Variants in TNC observed in about 807,000 individuals in gnomAD.
The protein encoded by TNC is tenascin C.
Under a neutral mutation model 202.4 loss-of-function variants are expected in TNC, and 109 were observed. The observed-to-expected ratio is 0.54, with a 90% CI of 0.46 to 0.63. The LOEUF (loss-of-function observed/expected upper bound fraction) is 0.63, where lower values mean the gene tolerates loss of function less well. TNC is among the 30% of genes least tolerant of loss of function. TNC has a pLI of 0.00. For missense variants in TNC, 2,756 were observed against 2,833.3 expected (o/e 0.97, Z 0.62); for synonymous variants, 1,007 against 1,089.7 (o/e 0.92, Z 1.50).
Position 115,036,234 on chromosome 9 carries a change from T to C in TNC, c.5520A>G (p.Glu1840=), listed in dbSNP as rs774059202. ...TGTTCCCGGACACCGTGCGTGTAAT[T>C]TCTGGCACTAAACATGAAATACACA... ...VISYTGEKVP[E]ITRTVSGNTV... The change falls in exon 21 of 28, where the codon GAA becomes GAG. Residue 1840 remains glutamate (E), a synonymous_variant. Transcript: ENST00000350763. 1 of 1,614,118 alleles carries C rather than the reference T, an allele frequency of 6.2e-7. No homozygotes were observed. Among genetic ancestry groups the C allele is most frequent in the Non-Finnish European group, 8.5e-7 (1 of 1,179,986 alleles).
Position 115,084,261 on chromosome 9 carries a change from A to G in TNC, c.2079T>C (p.Phe693=), listed in dbSNP as rs1332750503. ...TGCTCTTCTTGTTCTCCAGGATGGCAAATACACGGATAAAGTACTCCACAC... is the reference window on the plus strand; with the variant it reads ...TGCTCTTCTTGTTCTCCAGGATGGCGAATACACGGATAAAGTACTCCACAC... ...EPGVEYFIRV[F]AILENKKSIP... The change falls in exon 4 of 28, where the codon TTT becomes TTC. Residue 693 remains phenylalanine (F), a synonymous_variant. Transcript: ENST00000350763. 5.6e-6 allele frequency: 9 copies of G among 1,614,168 alleles called. No homozygotes were observed. The highest frequency in any genetic ancestry group is 7.6e-6 in the Non-Finnish European group (9 of 1,180,024).
intron 17 of TNC, among the ~76,000 whole-genome samples, chr9:115,042,645 C>A (rs893653149): frequency 6.6e-5 from 10 of 152,086 alleles, no homozygotes; most frequent in Admixed American, 2.0e-4. Context: ...GGAATGTGAC[C>A]CCCGTTCATT....
At chr9:115,036,930 A>C (rs375383455) in intron 20 of TNC, among the ~76,000 whole-genome samples, 1 of 152,080 alleles carries the variant, frequency 6.6e-6, no homozygotes, top group Non-Finnish European at 1.5e-5. Context: ...TGGTCAACTT[A>C]CCTCATCATT....
In TNC at chr9:115,064,918, T is replaced by C; in HGVS notation, c.3216A>G (p.Glu1072=). 1 of 1,612,722 alleles carries C rather than the reference T, an allele frequency of 6.2e-7. No homozygotes were observed. Among genetic ancestry groups the C allele is most frequent in the Non-Finnish European group, 8.5e-7 (1 of 1,179,158 alleles). ...SKPARVKAST[E]QAPELENLTV... is the part of the protein sequence containing the mutation. ...TGAGGTTTTCCAGCTCAGGGGCTTG[T>C]TCTGAATAATGACAGAGATGGGGTC... is the stretch of plus-strand genomic sequence containing the variant. Residue 1072 remains glutamate (E), a splice_region_variant and synonymous_variant, in exon 11 of 28, where the codon GAA becomes GAG. Coordinates refer to ENST00000350763, the MANE Select transcript of TNC (RefSeq NM_002160.4).
At chr9:115,095,796 A>C (rs1835748941) in intron 1 of TNC, among the ~76,000 whole-genome samples, 1 of 149,208 alleles carries the variant, frequency 6.7e-6, no homozygotes, top group Non-Finnish European at 1.5e-5. Flanking sequence ...ATTACATATT[A>C]TAATACAATG....
chr9:115,056,896 A>G (rs1001876208), intron 15 of TNC, among the ~76,000 whole-genome samples: 1 of 152,248 alleles, frequency 6.6e-6, no homozygotes, highest in Admixed American at 6.5e-5. Context: ...TCTAGATTCC[A>G]TATGGCAAAT....
At chr9:115,111,963 C>G (rs1837108035) in intron 1 of TNC, among the ~76,000 whole-genome samples, 1 of 152,114 alleles carries the variant, frequency 6.6e-6, no homozygotes, top group Non-Finnish European at 1.5e-5. Flanking sequence ...GACCATGAGG[C>G]AGAAAATCCA....
chr9:115,117,575 C>T (rs936052665), intron 1 of TNC, among the ~76,000 whole-genome samples: 1 of 152,170 alleles, frequency 6.6e-6, no homozygotes, highest in Non-Finnish European at 1.5e-5. Flanking sequence ...ATCAAACTCC[C>T]TCTAACCCAT....
intron 16 of TNC, among the ~76,000 whole-genome samples, chr9:115,046,979 A>G (rs1831247806): frequency 6.6e-6 from 1 of 152,220 alleles, no homozygotes; most frequent in African/African-American, 2.4e-5. Flanking sequence ...CCCGTCCCAC[A>G]TATTATTAAA....
Position 115,087,166 on chromosome 9 carries a change from C to T in TNC, c.565G>A (p.Glu189Lys), listed in dbSNP as rs757206565. 25 of 1,614,116 alleles carry T rather than the reference C, an allele frequency of 1.5e-5. No homozygotes were observed. Among genetic ancestry groups the T allele is most frequent in the East Asian group, 1.1e-4 (5 of 44,892 alleles). ...GWKGPNCSEP[E>K]CPGNCHLRGR... ...CGAAGGTGACAGTTGCCTGGACATT[C>T]GGGCTCAGAGCAGTTGGGGCCTTTC... The change falls in exon 3 of 28, where the codon GAA becomes AAA. Residue 189 changes from glutamate (E) to lysine (K), a missense_variant. This residue lies in a region of TNC where 2,559 missense variants were observed against 2,546.0 expected (regional missense o/e 1.01). Transcript: ENST00000350763.
rs1375197454 is a variant in TNC at position 115,078,203 on chromosome 9, G to A, written c.2414C>T (p.Ala805Val). Reference protein sequence around the residue: ...LKRVTTTRLDAPSQIEVKDVT... With the variant: ...LKRVTTTRLDVPSQIEVKDVT... Reference sequence around the variant, plus strand: ...ATCTTTCACCTCGATCTGGCTGGGGGCATCCAAGCCTATGATGGGCAGAGG... The same window carrying A: ...ATCTTTCACCTCGATCTGGCTGGGGACATCCAAGCCTATGATGGGCAGAGG... The change falls in exon 7 of 28, where the codon GCC (alanine) becomes GTC (valine). Residue 805 changes from alanine to valine, a missense_variant. By Grantham distance (64) the Ala-to-Val change is moderately conservative. Around this residue, in one of 2 missense-constraint regions of TNC, gnomAD observed 2,559 missense variants for 2,546.0 expected, o/e 1.01. Coordinates refer to ENST00000350763, the MANE Select transcript of TNC (RefSeq NM_002160.4). The A allele has an allele frequency of 8.7e-6, 14 of 1,605,522 alleles. No homozygotes were observed. Among genetic ancestry groups the A allele is most frequent in the Non-Finnish European group, 1.0e-5 (12 of 1,173,222 alleles).
chr9:115,020,600 A>T lies in TNC; in HGVS notation c.*557T>A, dbSNP rs942433968. 1 of 349,840 alleles carries T rather than the reference A, an allele frequency of 2.9e-6. No individual in the cohort carries two copies. The highest frequency in any genetic ancestry group is 2.2e-5 in the African/African-American group (1 of 46,468). The allele number at this position is 349,840 out of a possible 1,614,324, so 21.7% of individuals were successfully genotyped here. A position where few individuals can be genotyped will look rare whatever the true frequency, so the allele number is the denominator to read the frequency against. On this transcript the variant is annotated 3_prime_UTR_variant, in exon 28 of 28. Coordinates refer to ENST00000350763, the MANE Select transcript of TNC (RefSeq NM_002160.4). ...AGGTACTGTCCAGAAATGTTTTGGA[A>T]AGAAAGATCTCTTGAAAAATCCTTA...
intron 9 of TNC, among the ~76,000 whole-genome samples, chr9:115,074,961 T>C (rs1484832376): frequency 1.3e-5 from 2 of 152,180 alleles, no homozygotes; most frequent in Admixed American, 6.5e-5. Flanking sequence ...TCTGTCTGTA[T>C]GCTTTCTCAC....
chr9:115,114,161 C>G lies in TNC; in HGVS notation c.-137+3821G>C, dbSNP rs372520499. 2.4e-4 allele frequency among the ~76,000 whole-genome samples: 37 copies of G among 152,278 alleles called. No homozygotes were observed. In the South Asian group the frequency reaches 7.7e-3, roughly 32 times the overall value. ...GGGGGTTTTCCTCCTTGGAAGGGAG[C>G]CTTCATCTAATGTTTCCCACATGTT... On this transcript the variant is annotated intron_variant, in intron 1 of 27. Coordinates refer to ENST00000350763, the MANE Select transcript of TNC (RefSeq NM_002160.4).
Position 115,064,790 on chromosome 9 carries a change from T to C in TNC, c.3344A>G (p.Glu1115Gly), listed in dbSNP as rs756255104. The change falls in exon 11 of 28, where the codon GAG (glutamate) becomes GGG (glycine). Residue 1115 changes from glutamate to glycine, a missense_variant. Transcript: ENST00000350763. ...IIQVQEANKVEAARNLTVPGS... is the reference protein window; with the variant it reads ...IIQVQEANKVGAARNLTVPGS... Reference sequence around the variant, plus strand: ...AGGCACGGTGAGGTTCCGAGCTGCCTCCACCTTGTTGGCCTCCTGCACCTG... The same window carrying C: ...AGGCACGGTGAGGTTCCGAGCTGCCCCCACCTTGTTGGCCTCCTGCACCTG... 6.2e-7 allele frequency: 1 copy of C among 1,614,130 alleles called. No individual in the cohort carries two copies.
In TNC at chr9:115,057,232, A is replaced by AG. The variant is rs755781300; in HGVS notation, c.4499dup (p.Ser1501Ter). ...AGAGGTAGACAATAAAATCAGTACT[A>AG]GGGGGTAGCCCTGAGATATGGGCAG... On this transcript the variant is annotated frameshift_variant, in exon 15 of 28. Coordinates refer to ENST00000350763, the MANE Select transcript of TNC (RefSeq NM_002160.4). LOFTEE classifies it high-confidence loss of function. 1.9e-6 allele frequency: 3 copies of AG among 1,614,156 alleles called. No homozygotes were observed. In the South Asian group the frequency reaches 3.3e-5, roughly 18 times the overall value.
chr9:115,094,860 T>C (rs1336030187), intron 1 of TNC, among the ~76,000 whole-genome samples: 1 of 150,768 alleles, frequency 6.6e-6, no homozygotes, highest in Non-Finnish European at 1.5e-5. Flanking sequence ...TGTGTGTGTG[T>C]GTGTGTGTGT....
rs528646678 is a variant in TNC at position 115,038,792 on chromosome 9, C to CCTTTTCTTTTCTTTTCT, written c.5393-429_5393-413dup. Among the ~76,000 whole-genome samples the CCTTTTCTTTTCTTTTCT allele has an allele frequency of 5.6e-4, 85 of 152,178 alleles. No homozygotes were observed. The East Asian group carries it at 0.015, about 26-fold the overall frequency. On this transcript the variant is annotated intron_variant, in intron 19 of 27. Coordinates refer to ENST00000350763, the MANE Select transcript of TNC (RefSeq NM_002160.4). ...ACTTGCATAGTTAAGACTGCCCGAG[C>CCTTTTCTTTTCTTTTCT]CTTTTCTTTTCTTTTCTCTTTTCTT...
intron 1 of TNC, among the ~76,000 whole-genome samples, chr9:115,099,705 A>T (rs1312081550): frequency 6.6e-6 from 1 of 152,204 alleles, no homozygotes; most frequent in African/African-American, 2.4e-5. Flanking sequence ...AAATACTTAA[A>T]AGGATGGAGA....
Sources: allele counts gnomAD v4.1 joint callset (sites outside exome capture counted in the v4.1 genomes callset), GRCh38; gene constraint gnomAD v4.1.1; regional missense constraint gnomAD v4.1.1; transcripts MANE v1.5; gene names NCBI Gene and HGNC (gene_info 2026-07-23, HGNC 2026-07-21).